The following SMARCC1 variants were observed in gnomAD, a reference collection of about 807,000 sequenced individuals.
SMARCC1 encodes the protein SWI/SNF related BAF chromatin remodeling complex subunit C1.
Under a neutral mutation model 147.4 loss-of-function variants are expected in SMARCC1, and 43 were observed. That is an observed-to-expected ratio of 0.29 (90% CI 0.23 to 0.38). The LOEUF (loss-of-function observed/expected upper bound fraction) is 0.38. SMARCC1 is among the 10% of genes least tolerant of loss of function. The pLI, the probability that SMARCC1 is intolerant of heterozygous loss-of-function variation, is 1.00. For missense variants in SMARCC1, 1,119 were observed against 1,381.1 expected (o/e 0.81, Z 3.01); for synonymous variants, 495 against 484.4 (o/e 1.02, Z -0.29).
At chr3:47,740,078 C>G (rs771803510) in intron 3 of SMARCC1, among the ~76,000 whole-genome samples, 5 of 150,338 alleles carry the variant, frequency 3.3e-5, no homozygotes, top group Non-Finnish European at 7.4e-5. Context: ...CCATGTTGGC[C>G]AGGCTGGACT....
intron 11 of SMARCC1, among the ~76,000 whole-genome samples, chr3:47,694,005 T>C (rs896550863): frequency 6.6e-6 from 1 of 152,066 alleles, no homozygotes; most frequent in African/African-American, 2.4e-5. Context: ...TCAAAATATA[T>C]CCTGAGAGTT....
intron 26 of SMARCC1, chr3:47,603,707 T>A (rs571615333): frequency 2.1e-5 from 5 of 241,180 alleles, no homozygotes; most frequent in South Asian, 2.0e-4. Flanking sequence ...AATTTTATAG[T>A]TTAAATGAAA....
chr3:47,708,075 T>TTTTTTTC (rs2034032253), intron 9 of SMARCC1, among the ~76,000 whole-genome samples: 6 of 84,810 alleles, frequency 7.1e-5, no homozygotes, highest in Non-Finnish European at 1.1e-4. Context: ...TGAAGTTGAA[T>TTTTTTTC]TTTTTTTCTT....
At chr3:47,713,043 C>T (rs1295434506) in intron 8 of SMARCC1, among the ~76,000 whole-genome samples, 2 of 152,060 alleles carry the variant, frequency 1.3e-5, no homozygotes, top group East Asian at 3.8e-4. Context: ...AAAATCTGGG[C>T]CAGGCGCAAT....
chr3:47,727,718 C>A (rs1283865040), intron 6 of SMARCC1, among the ~76,000 whole-genome samples: 1 of 151,824 alleles, frequency 6.6e-6, no homozygotes, highest in Non-Finnish European at 1.5e-5. Context: ...CAGGTTCAAG[C>A]GATTCTCCTG....
intron 10 of SMARCC1, among the ~76,000 whole-genome samples, chr3:47,704,873 C>T (rs1051610356): frequency 1.3e-5 from 2 of 151,174 alleles, no homozygotes; most frequent in African/African-American, 4.9e-5. Flanking sequence ...GCCAAGATCG[C>T]ACCACTGTGC....
At chr3:47,589,578 G>A (rs2032143396) in intron 27 of SMARCC1, among the ~76,000 whole-genome samples, 1 of 152,192 alleles carries the variant, frequency 6.6e-6, no homozygotes, top group South Asian at 2.1e-4. Flanking sequence ...GCTTAAGGGA[G>A]ATAATTTTAA....
chr3:47,603,193 G>A (rs1014932543), intron 26 of SMARCC1, among the ~76,000 whole-genome samples: 68 of 152,126 alleles, frequency 4.5e-4, no homozygotes, highest in African/African-American at 1.2e-3. Context: ...AGGCTGAGGC[G>A]GGTGGATCAC....
chr3:47,711,473 C>A (rs1307321099), intron 8 of SMARCC1, among the ~76,000 whole-genome samples: 1 of 152,256 alleles, frequency 6.6e-6, no homozygotes, highest in Admixed American at 6.5e-5. Flanking sequence ...GGGGGCACAA[C>A]TGGAATTTGA....
At chr3:47,701,934 C>G (rs544402927) in intron 10 of SMARCC1, among the ~76,000 whole-genome samples, 1 of 151,900 alleles carries the variant, frequency 6.6e-6, no homozygotes, top group South Asian at 2.1e-4. Flanking sequence ...AAAAAATGGG[C>G]AAAAAATCCT....
intron 19 of SMARCC1, among the ~76,000 whole-genome samples, chr3:47,668,081 A>C (rs1031800769): frequency 2.6e-5 from 4 of 152,174 alleles, no homozygotes; most frequent in African/African-American, 9.7e-5. Flanking sequence ...TTGAAAAAAA[A>C]TTCTTTAGTC....
At chr3:47,725,032 CAAAAAAAAAAA>C (rs35548192) in intron 6 of SMARCC1, among the ~76,000 whole-genome samples, 1 of 31,640 alleles carries the variant, frequency 3.2e-5, no homozygotes, top group Non-Finnish European at 5.5e-5. Flanking sequence ...ACTGTCTCCA[CAAAAAAAAAAA>C]AAAAAAAAAA....
chr3:47,659,970 T>C (rs1171837462), intron 21 of SMARCC1, among the ~76,000 whole-genome samples: 2 of 151,800 alleles, frequency 1.3e-5, no homozygotes, highest in African/African-American at 4.8e-5. Flanking sequence ...GGTAAGAACA[T>C]AAAATGGTAT....
chr3:47,674,724 C>G (rs2033547339), intron 18 of SMARCC1, among the ~76,000 whole-genome samples: 1 of 152,144 alleles, frequency 6.6e-6, no homozygotes, highest in Non-Finnish European at 1.5e-5. Context: ...CCTGGCCTCC[C>G]AAAGTGTTGA....
At chr3:47,736,714 A>T (rs2034448449) in intron 4 of SMARCC1, among the ~76,000 whole-genome samples, 1 of 151,948 alleles carries the variant, frequency 6.6e-6, no homozygotes, top group Admixed American at 6.6e-5. Flanking sequence ...AATAAATAAA[A>T]AAAATAAAAA....
intron 1 of SMARCC1, among the ~76,000 whole-genome samples, chr3:47,780,727 A>T (rs1290099665): frequency 6.6e-6 from 1 of 152,174 alleles, no homozygotes; most frequent in Admixed American, 6.6e-5. Context: ...AGAACTAAAG[A>T]GGGTGATAGG....
intron 1 of SMARCC1, among the ~76,000 whole-genome samples, chr3:47,776,182 T>TA (rs2034972824): frequency 6.6e-6 from 1 of 152,034 alleles, no homozygotes; most frequent in African/African-American, 2.4e-5. Flanking sequence ...AAGTGTATCT[T>TA]ACAAAACTGA....
chr3:47,667,604 C>T (rs954328094), intron 19 of SMARCC1, among the ~76,000 whole-genome samples: 5 of 152,174 alleles, frequency 3.3e-5, no homozygotes, highest in East Asian at 1.9e-4. Flanking sequence ...GAAGGCCAAG[C>T]GCGGTGGCTT....
chr3:47,657,641 A>C (rs1222473618), intron 21 of SMARCC1, among the ~76,000 whole-genome samples: 2 of 151,818 alleles, frequency 1.3e-5, no homozygotes, highest in Non-Finnish European at 2.9e-5. Context: ...TCTACTTAAA[A>C]ACACACACAC....
Sources: gnomAD v4.1 joint callset for allele counts (sites outside exome capture counted in the v4.1 genomes callset) on GRCh38, gnomAD v4.1.1 for gene constraint, MANE v1.5 for transcripts, NCBI Gene and HGNC (gene_info 2026-07-23, HGNC 2026-07-21) for gene names.